STEAP3: variants seen among roughly 807,000 people sequenced by gnomAD.
The protein encoded by STEAP3 is STEAP3 metalloreductase.
In STEAP3, 35 loss-of-function variants were observed where a neutral mutation model predicts 34.9. The observed-to-expected ratio is 1.00, with a 90% CI of 0.76 to 1.33. The LOEUF is 1.33. Ranked by LOEUF, STEAP3 falls within the 40% of genes most tolerant of loss-of-function variation. The pLI is 0.00. For synonymous variants in STEAP3, 281 were observed against 301.6 expected, an observed-to-expected ratio of 0.93 and a Z score of 0.71; for missense variants, 652 against 667.6, an observed-to-expected ratio of 0.98 and a Z score of 0.26.
intron 1 of STEAP3, among the ~76,000 whole-genome samples, chr2:119,229,808 G>C (rs183615157): frequency 2.6e-4 from 40 of 152,210 alleles, no homozygotes; most frequent in African/African-American, 9.1e-4. Context: ...TGGCTGTGGT[G>C]GGGGGTGGAG....
In STEAP3 at chr2:119,247,817, G is replaced by A. The variant is rs760063621; in HGVS notation, c.661G>A (p.Ala221Thr). Residue 221 changes from alanine to threonine, a missense_variant, in exon 4 of 6, where the codon GCC becomes ACC. Ala to Thr is a moderately conservative substitution (Grantham distance 58, BLOSUM62 0). Coordinates refer to ENST00000393110, the MANE Select transcript of STEAP3 (RefSeq NM_182915.3). Reference sequence around the variant, plus strand: ...GGCCATGCCCCTGCGCCTCCTCCCGGCCTGGAAGGTGCCCACCCTGCTGGC... The same window carrying A: ...GGCCATGCCCCTGCGCCTCCTCCCGACCTGGAAGGTGCCCACCCTGCTGGC... ...VEAMPLRLLP[A>T]WKVPTLLALG... The A allele has an allele frequency of 1.9e-6, 3 of 1,612,518 alleles. No homozygotes were observed. In the South Asian group the frequency reaches 3.3e-5, roughly 18 times the overall value.
chr2:119,243,807 G>A (rs1677322969), intron 2 of STEAP3, among the ~76,000 whole-genome samples: 1 of 152,190 alleles, frequency 6.6e-6, no homozygotes, highest in East Asian at 1.9e-4. Context: ...GCAGAGCCGG[G>A]CCCAGCCTCC....
intron 2 of STEAP3, among the ~76,000 whole-genome samples, chr2:119,231,852 TA>T (rs1374170259): frequency 6.6e-6 from 1 of 151,806 alleles, no homozygotes; most frequent in Non-Finnish European, 1.5e-5. Flanking sequence ...ATCTACCAAT[TA>T]GATGTGTGTG....
rs1678953140 is a variant in STEAP3, at chr2:119,224,020, T to A, written c.-394+132T>A. On this transcript the variant is annotated intron_variant, in intron 1 of 5. Coordinates refer to ENST00000393110, the MANE Select transcript of STEAP3 (RefSeq NM_182915.3). ...GCCACACGTCTGGAGGCGACTTCTG[T>A]CCCCTGGGACCGAGCCACGTGCGCC... 3.9e-5 allele frequency: 6 copies of A among 152,166 alleles called. 1 individual carries two copies. The highest frequency in any genetic ancestry group is 3.9e-4 in the Admixed American group (6 of 15,302). 9.4% of individuals were successfully genotyped at this position (152,166 alleles called of 1,614,324 possible).
At chr2:119,233,922 C>T (rs565072681) in intron 2 of STEAP3, among the ~76,000 whole-genome samples, 6 of 152,292 alleles carry the variant, frequency 3.9e-5, no homozygotes, top group African/African-American at 1.4e-4. Flanking sequence ...GAAGTGGCTA[C>T]ATGACTCTTC....
intron 5 of STEAP3, among the ~76,000 whole-genome samples, chr2:119,262,026 G>T: frequency 6.6e-6 from 1 of 152,220 alleles, no homozygotes; most frequent in Admixed American, 6.5e-5. Context: ...TTATAACCCA[G>T]TGTGGGGTGG....
At position 119,252,068 on chromosome 2, in the gene STEAP3, C is replaced by T. The variant is rs192452292; in HGVS notation, c.1051-2616C>T. 3.9e-5 allele frequency among the ~76,000 whole-genome samples: 6 copies of T among 152,280 alleles called. No individual in the cohort carries two copies. In the East Asian group the frequency reaches 1.2e-3, roughly 29 times the overall value. ...ACTGAGTGACTGATTTTTAAATTGG[C>T]CACCACAGAGCCAATATCAGGCATC... On this transcript the variant is annotated intron_variant, in intron 4 of 5. Coordinates refer to ENST00000393110, the MANE Select transcript of STEAP3 (RefSeq NM_182915.3).
intron 2 of STEAP3, among the ~76,000 whole-genome samples, chr2:119,234,304 G>A (rs945792663): frequency 1.2e-4 from 19 of 152,232 alleles, no homozygotes; most frequent in Admixed American, 1.2e-3. Flanking sequence ...CCCAGGGTTT[G>A]TGCAGCTCCA....
chr2:119,228,299 G>C (rs1395855848), intron 1 of STEAP3, among the ~76,000 whole-genome samples: 1 of 152,212 alleles, frequency 6.6e-6, no homozygotes, highest in African/African-American at 2.4e-5. Flanking sequence ...GTGGCTGTGA[G>C]CTGGGCCCTC....
intron 5 of STEAP3, chr2:119,257,722 G>T: frequency 7.2e-7 from 1 of 1,389,886 alleles, no homozygotes; most frequent in Non-Finnish European, 9.3e-7. Context: ...AAGTTAGCGT[G>T]GCTAGTGAGA....
rs2104804795 is a variant in STEAP3, at chr2:119,238,140, A to G, written c.22+7106A>G. 3.9e-5 allele frequency among the ~76,000 whole-genome samples: 6 copies of G among 152,332 alleles called. No homozygotes were observed. The South Asian group carries it at 1.2e-3, about 32-fold the overall frequency. On this transcript the variant is annotated intron_variant, in intron 2 of 5. Coordinates refer to ENST00000393110, the MANE Select transcript of STEAP3 (RefSeq NM_182915.3). Reference sequence around the variant, plus strand: ...GGTGAAAATGTTTTTGTGTGGATATACATTCTTCCTTCTCTTGGATATATA... The same window carrying G: ...GGTGAAAATGTTTTTGTGTGGATATGCATTCTTCCTTCTCTTGGATATATA...
chr2:119,257,224 A>G (rs1413685042), intron 5 of STEAP3, among the ~76,000 whole-genome samples: 2 of 152,254 alleles, frequency 1.3e-5, no homozygotes, highest in African/African-American at 4.8e-5. Context: ...TTTCAGTTAT[A>G]TGGAATTGCT....
chr2:119,242,352 T>A (rs931963364), intron 2 of STEAP3, among the ~76,000 whole-genome samples: 2 of 152,208 alleles, frequency 1.3e-5, no homozygotes, highest in Admixed American at 6.5e-5. Flanking sequence ...GGGACAGGCC[T>A]GGGTGTATCT....
At chr2:119,238,662 G>A (rs1279471299) in intron 2 of STEAP3, among the ~76,000 whole-genome samples, 1 of 152,194 alleles carries the variant, frequency 6.6e-6, no homozygotes, top group African/African-American at 2.4e-5. Flanking sequence ...TAAGAGGTGA[G>A]CAGGCAGACA....
At chr2:119,234,700 T>A (rs1677038576) in intron 2 of STEAP3, among the ~76,000 whole-genome samples, 1 of 152,198 alleles carries the variant, frequency 6.6e-6, no homozygotes, top group South Asian at 2.1e-4. Flanking sequence ...GACTATTGCA[T>A]AGAACTGCAC....
chr2:119,228,805 A>C (rs1679119955), intron 1 of STEAP3, among the ~76,000 whole-genome samples: 1 of 151,954 alleles, frequency 6.6e-6, no homozygotes, highest in African/African-American at 2.4e-5. Flanking sequence ...TGCTGAGAGG[A>C]GGAGAAGTCT....
At chr2:119,231,141 A>C (rs1289153856) in intron 2 of STEAP3, 107 bp downstream of exon 2, 18 of 1,484,566 alleles carry the variant, frequency 1.2e-5, no homozygotes, top group Non-Finnish European at 1.6e-5. Context: ...GTGCCCCTTG[A>C]ATCTCCAGGA....
At chr2:119,259,299 A>T (rs890003177) in intron 5 of STEAP3, among the ~76,000 whole-genome samples, 1 of 152,098 alleles carries the variant, frequency 6.6e-6, no homozygotes, top group Admixed American at 6.6e-5. Flanking sequence ...TAGCTTGGGG[A>T]TCTTATTAAT....
At chr2:119,225,418 G>A (rs1350447899) in intron 1 of STEAP3, among the ~76,000 whole-genome samples, 1 of 152,244 alleles carries the variant, frequency 6.6e-6, no homozygotes, top group Non-Finnish European at 1.5e-5. Flanking sequence ...GAGCCAGCAG[G>A]GAGCTCAGGC....
Sources: gnomAD v4.1 joint callset for allele counts (sites outside exome capture counted in the v4.1 genomes callset) on GRCh38, gnomAD v4.1.1 for gene constraint, MANE v1.5 for transcripts, NCBI Gene and HGNC (gene_info 2026-07-23, HGNC 2026-07-21) for gene names.